MYO1G: variants seen among roughly 807,000 people sequenced by gnomAD.
The protein encoded by MYO1G is myosin IG.
In MYO1G, 65 loss-of-function variants were observed where a neutral mutation model predicts 115.3. That is an observed-to-expected ratio of 0.56 (90% CI 0.46 to 0.69). The LOEUF (loss-of-function observed/expected upper bound fraction) is 0.69. Among genes scored for constraint, MYO1G ranks in the 30% least tolerant of loss-of-function variants. The pLI is 0.00. For missense variants in MYO1G, 1,204 were observed against 1,393.5 expected, an observed-to-expected ratio of 0.86 and a Z score of 2.16; for synonymous variants, 510 against 552.6, an observed-to-expected ratio of 0.92 and a Z score of 1.08.
In MYO1G at chr7:44,971,703, C is replaced by T. The variant is rs767009123; in HGVS notation, c.816G>A (p.Val272=). 1 of 1,557,908 alleles carries T rather than the reference C, an allele frequency of 6.4e-7. No homozygotes were observed. The highest frequency in any genetic ancestry group is 1.2e-5 in the South Asian group (1 of 84,490). Residue 272 remains valine (V), a synonymous_variant, in exon 7 of 22, where the codon GTG becomes GTA. Coordinates refer to ENST00000258787, the MANE Select transcript of MYO1G (RefSeq NM_033054.3). ...IGFSPEEVES[V]HRILAAILHL... is the part of the protein sequence containing the mutation. ...GCAATATGGCAGCCAGGATGCGATG[C>T]ACAGACTCCACCTCTTCAGGACTGA...
intron 1 of MYO1G, among the ~76,000 whole-genome samples, chr7:44,978,461 A>G (rs1052419179): frequency 3.3e-5 from 5 of 152,232 alleles, no homozygotes; most frequent in African/African-American, 1.2e-4. Flanking sequence ...GGGAGCATCA[A>G]CAACTGGCTG....
In MYO1G at chr7:44,963,669, G is replaced by A. The variant is rs758457460; in HGVS notation, c.2745+380C>T. 5 of 232,162 alleles carry A rather than the reference G, an allele frequency of 2.2e-5. No individual in the cohort carries two copies. The highest frequency in any genetic ancestry group is 4.2e-5 in the Non-Finnish European group (5 of 118,432). The allele number at this position is 232,162 out of a possible 1,614,324, so 14.4% of individuals were successfully genotyped here. ...AGGGAGCAAGTAGGCCACAGAGCTCGGCAGAAGGTTCCGGAGTGGCCGGGA... is the reference window on the plus strand; with the variant it reads ...AGGGAGCAAGTAGGCCACAGAGCTCAGCAGAAGGTTCCGGAGTGGCCGGGA... On this transcript the variant is annotated intron_variant, in intron 20 of 21. Transcript: ENST00000258787. The surrounding 1 kb of genome is among the most constrained non-coding windows in gnomAD (Gnocchi z 4.1).
chr7:44,966,540 G>C lies in MYO1G; in HGVS notation c.1949+132C>G. 1 of 1,184,080 alleles carries C rather than the reference G, an allele frequency of 8.4e-7. No homozygotes were observed. The highest frequency in any genetic ancestry group is 1.2e-6 in the Non-Finnish European group (1 of 814,244). 73.3% of individuals were successfully genotyped at this position (1,184,080 alleles called of 1,614,324 possible). A position where few individuals can be genotyped will look rare whatever the true frequency, so the allele number is the denominator to read the frequency against. On this transcript the variant is annotated intron_variant, in intron 15 of 21. Coordinates refer to ENST00000258787, the MANE Select transcript of MYO1G (RefSeq NM_033054.3). This position sits in a 1 kb window ranked among gnomAD's most constrained non-coding sequence, Gnocchi z 5.0. ...GTCTTCCCAGATATTTTGGTGTCTT[G>C]AGGCCAGCAGCGTGCTGGTTCCTGC... is the stretch of plus-strand genomic sequence containing the variant.
intron 10 of MYO1G, 24 bp downstream of exon 10, chr7:44,970,016 C>T: frequency 3.1e-6 from 5 of 1,607,662 alleles, no homozygotes; most frequent in Non-Finnish European, 4.3e-6. Flanking sequence ...ACTGCCTGGC[C>T]TCCCTCCAGG....
In MYO1G at chr7:44,964,559, G is replaced by A. The variant is rs1794806307; in HGVS notation, c.2527-40C>T. ...AGGGGAGGGGGCGCTGCTTGGGATT[G>A]AGTCATGGGACCAGACTCAATTGAT... On this transcript the variant is annotated intron_variant, in intron 18 of 21. Coordinates refer to ENST00000258787, the MANE Select transcript of MYO1G (RefSeq NM_033054.3). This position sits in a 1 kb window ranked among gnomAD's most constrained non-coding sequence, Gnocchi z 5.1. The A allele has an allele frequency of 1.3e-6, 2 of 1,505,920 alleles. No homozygotes were observed. The allele number at this position is 1,505,920 out of a possible 1,614,324, so 93.3% of individuals were successfully genotyped here.
chr7:44,970,781 C>T, intron 8 of MYO1G, 44 bp from the exon 9 acceptor site: 21 of 1,613,480 alleles, frequency 1.3e-5, no homozygotes, highest in Non-Finnish European at 1.6e-5. Flanking sequence ...TCTGGCCTGG[C>T]CTCCCCCATG....
chr7:44,962,681 T>C lies in MYO1G; in HGVS notation c.*58A>G. ...CAGGAGGGCTGACTCAGAAGGTTTA[T>C]TTGCAGCGCTGGCGGGGCGGACAAT... On this transcript the variant is annotated 3_prime_UTR_variant, in exon 22 of 22. Coordinates refer to ENST00000258787, the MANE Select transcript of MYO1G (RefSeq NM_033054.3). This position sits in a 1 kb window ranked among gnomAD's most constrained non-coding sequence, Gnocchi z 5.3. 7.0e-7 allele frequency: 1 copy of C among 1,435,292 alleles called. No individual in the cohort carries two copies. Among genetic ancestry groups the C allele is most frequent in the Non-Finnish European group, 9.1e-7 (1 of 1,103,626 alleles). 88.9% of individuals were successfully genotyped at this position (1,435,292 alleles called of 1,614,324 possible). A position where few individuals can be genotyped will look rare whatever the true frequency, so the allele number is the denominator to read the frequency against.
In MYO1G at chr7:44,969,350, C is replaced by A; in HGVS notation, c.1574+63G>T. 2 of 1,556,322 alleles carry A rather than the reference C, an allele frequency of 1.3e-6. No individual in the cohort carries two copies. Among genetic ancestry groups the A allele is most frequent in the South Asian group, 1.1e-5 (1 of 89,998 alleles). On this transcript the variant is annotated intron_variant, in intron 12 of 21. Coordinates refer to ENST00000258787, the MANE Select transcript of MYO1G (RefSeq NM_033054.3). The surrounding 1 kb of genome is among the most constrained non-coding windows in gnomAD (Gnocchi z 5.0). ...AGCCACTCCCCTGAAGCGCTCCTGC[C>A]CCATGACACATGCCATGGTGCCTGT... is the stretch of plus-strand genomic sequence containing the variant.
Position 44,970,630 on chromosome 7 carries a change from C to T in MYO1G, c.1179G>A (p.Val393=), listed in dbSNP as rs756101014. 1 of 1,613,682 alleles carries T rather than the reference C, an allele frequency of 6.2e-7. No homozygotes were observed. Among genetic ancestry groups the T allele is most frequent in the South Asian group, 1.1e-5 (1 of 91,092 alleles). The change falls in exon 9 of 22, where the codon GTG becomes GTA. Residue 393 remains valine (V), a synonymous_variant. Coordinates refer to ENST00000258787, the MANE Select transcript of MYO1G (RefSeq NM_033054.3). Reference sequence around the variant, plus strand: ...ACACCTCGAAGCCATAGATGTCCAGCACGCCAATGACTGTGTCCTTGCCAT... The same window carrying T: ...ACACCTCGAAGCCATAGATGTCCAGTACGCCAATGACTGTGTCCTTGCCAT... ...RRDGKDTVIG[V]LDIYGFEVFP... is the part of the protein sequence containing the mutation.
intron 9 of MYO1G, 79 bp downstream of exon 9, chr7:44,970,513 C>A: frequency 3.2e-6 from 5 of 1,571,638 alleles, no homozygotes; most frequent in South Asian, 1.2e-5. Context: ...TGCTGCCCAG[C>A]CCCAGCCGAG....
At position 44,963,033 on chromosome 7, in the gene MYO1G, G is replaced by C; in HGVS notation, c.2837C>G (p.Ser946Cys). 6.5e-7 allele frequency: 1 copy of C among 1,531,508 alleles called. No individual in the cohort carries two copies. The allele number at this position is 1,531,508 out of a possible 1,614,324, so 94.9% of individuals were successfully genotyped here. ...AACGCGGTTGTCCAATGGCGGCCGG[G>C]AGCGGTGCAGGCACACCACGAGGTC... ...QDDLVVCLHR[S>C]RPPLDNRVGE... The change falls in exon 21 of 22, where the codon TCC becomes TGC. Residue 946 changes from serine to cysteine, a missense_variant. Transcript: ENST00000258787. This position sits in a 1 kb window ranked among gnomAD's most constrained non-coding sequence, Gnocchi z 4.1.
rs758431244 is a variant in MYO1G, at chr7:44,977,079, C to T, written c.96-8G>A. 1.9e-6 allele frequency: 3 copies of T among 1,611,836 alleles called. No homozygotes were observed. Among genetic ancestry groups the T allele is most frequent in the East Asian group, 2.2e-5 (1 of 44,808 alleles). On this transcript the variant is annotated splice_polypyrimidine_tract_variant and splice_region_variant and intron_variant, in intron 1 of 21. Transcript: ENST00000258787. ...ATGCGGCCCTTCTCGAACCTGGACA[C>T]AGCAGGGGTAGGCCTCAGCACTCAC...
rs773821725 is a variant in MYO1G, at chr7:44,970,603, A to G, written c.1206T>C (p.Phe402=). Residue 402 remains phenylalanine, a synonymous_variant, in exon 9 of 22, where the codon TTT becomes TTC. Transcript: ENST00000258787. ...GGCCAGCCACCCACCTGTTGACGGGAAACACCTCGAAGCCATAGATGTCCA... is the reference window on the plus strand; with the variant it reads ...GGCCAGCCACCCACCTGTTGACGGGGAACACCTCGAAGCCATAGATGTCCA... ...GVLDIYGFEV[F]PVNSFEQFCI... The G allele has an allele frequency of 2.5e-6, 4 of 1,613,286 alleles. No homozygotes were observed. The South Asian group carries it at 4.4e-5, about 18-fold the overall frequency.
chr7:44,966,711 C>G lies in MYO1G; in HGVS notation c.1910G>C (p.Gly637Ala). 1 of 1,613,146 alleles carries G rather than the reference C, an allele frequency of 6.2e-7. No homozygotes were observed. Among genetic ancestry groups the G allele is most frequent in the African/African-American group, 1.3e-5 (1 of 75,034 alleles). ...LLENVRVRRA[G>A]FASRQPYSRF... Reference sequence around the variant, plus strand: ...AGAGTAGGGCTGGCGGGAAGCGAAGCCAGCCCTGCGGACCCTCACATTCTC... The same window carrying G: ...AGAGTAGGGCTGGCGGGAAGCGAAGGCAGCCCTGCGGACCCTCACATTCTC... Residue 637 changes from glycine to alanine, a missense_variant, in exon 15 of 22, where the codon GGC becomes GCC. Transcript: ENST00000258787. This position sits in a 1 kb window ranked among gnomAD's most constrained non-coding sequence, Gnocchi z 5.0.
At chr7:44,977,253 G>A (rs538733830) in intron 1 of MYO1G, among the ~76,000 whole-genome samples, 182 bp from the exon 2 acceptor site, 3 of 152,224 alleles carry the variant, frequency 2.0e-5, no homozygotes, top group Admixed American at 6.5e-5. Flanking sequence ...CATCCTGGGT[G>A]AGCTGAGCCA....
chr7:44,975,920 C>T (rs1273429322), intron 3 of MYO1G, among the ~76,000 whole-genome samples: 1 of 152,230 alleles, frequency 6.6e-6, no homozygotes, highest in East Asian at 1.9e-4. Context: ...TTTCTCACAG[C>T]CACCTCTTCC....
At position 44,962,908 on chromosome 7, in the gene MYO1G, G is replaced by A. The variant is rs753315133; in HGVS notation, c.2901-13C>T. ...GGTGCGGCCCTCCCTGCGGCAGGAG[G>A]AGGGGTCAGGGCGGCCACGCGGCCG... On this transcript the variant is annotated splice_polypyrimidine_tract_variant and intron_variant, in intron 21 of 21. Coordinates refer to ENST00000258787, the MANE Select transcript of MYO1G (RefSeq NM_033054.3). The surrounding 1 kb of genome is among the most constrained non-coding windows in gnomAD (Gnocchi z 5.3). 2.7e-6 allele frequency: 4 copies of A among 1,491,300 alleles called. No individual in the cohort carries two copies. In the African/African-American group the frequency reaches 5.8e-5, roughly 22 times the overall value. 92.4% of individuals were successfully genotyped at this position (1,491,300 alleles called of 1,614,324 possible).
At chr7:44,965,923 C>A in intron 16 of MYO1G, 63 bp from the exon 17 acceptor site, 1 of 1,561,128 alleles carries the variant, frequency 6.4e-7, no homozygotes, top group South Asian at 1.1e-5. Flanking sequence ...CCCTTAGACC[C>A]AAACCTGGCC....
Position 44,971,921 on chromosome 7 carries a change from C to T in MYO1G, c.730-132G>A, listed in dbSNP as rs940409347. The T allele has an allele frequency of 9.1e-6, 7 of 770,370 alleles. No homozygotes were observed. The African/African-American group carries it at 1.2e-4, about 13-fold the overall frequency. 47.7% of individuals were successfully genotyped at this position (770,370 alleles called of 1,614,324 possible). On this transcript the variant is annotated intron_variant, in intron 6 of 21. Coordinates refer to ENST00000258787, the MANE Select transcript of MYO1G (RefSeq NM_033054.3). The stretch of plus-strand genomic sequence containing the variant: ...TGTCCCCTTCCTGAACCTGATTACT[C>T]CAGCCTAAGCACCTGCTCACCCCTG...
Sources: allele counts gnomAD v4.1 joint callset (sites outside exome capture counted in the v4.1 genomes callset), GRCh38; gene constraint gnomAD v4.1.1; non-coding constraint Gnocchi (gnomAD v3.1); transcripts MANE v1.5; gene names NCBI Gene and HGNC (gene_info 2026-07-23, HGNC 2026-07-21).